Variants in REV3L observed in about 807,000 individuals in gnomAD.
The protein encoded by REV3L is REV3 like, DNA directed polymerase zeta catalytic subunit, also known as DNA polymerase zeta catalytic subunit.
REV3L carries 69 observed loss-of-function variants against 299.4 expected under a neutral mutation model. The ratio of observed to expected loss-of-function variants is 0.23; its 90% CI spans 0.19 to 0.28. The LOEUF (loss-of-function observed/expected upper bound fraction) is 0.28, where lower values mean the gene tolerates loss of function less well. Among genes scored for constraint, REV3L ranks in the 10% least tolerant of loss-of-function variants. The probability of loss-of-function intolerance (pLI) is 1.00; values close to 1 mark genes in which losing one functional copy is unlikely to be tolerated. For synonymous variants in REV3L, 1,238 were observed against 1,271.4 expected, an observed-to-expected ratio of 0.97 and a Z score of 0.56; for missense variants, 3,128 against 3,693.8, an observed-to-expected ratio of 0.85 and a Z score of 3.97.
chr6:111,483,069 C>A lies in REV3L; in HGVS notation c.-181G>T. 2 of 706,152 alleles carry A rather than the reference C, an allele frequency of 2.8e-6. No homozygotes were observed. The highest frequency in any genetic ancestry group is 4.2e-6 in the Non-Finnish European group (2 of 479,444). The allele number at this position is 706,152 out of a possible 1,614,324, so 43.7% of individuals were successfully genotyped here. ...GCGGTGTAGGCGCTGCTGCCGCCGC[C>A]TCCTCAGGAGCACCCGGCAAGGGGC... On this transcript the variant is annotated 5_prime_UTR_variant, in exon 1 of 32. It adds an upstream start codon to the 5' untranslated region. Transcript: ENST00000368802.
chr6:111,325,340 G>GT, intron 25 of REV3L, among the ~76,000 whole-genome samples: 1 of 152,266 alleles, frequency 6.6e-6, no homozygotes, highest in South Asian at 2.1e-4. Flanking sequence ...AATTTATGAA[G>GT]TAAGTCCAAC....
At chr6:111,392,753 A>C in intron 5 of REV3L, 123 bp downstream of exon 5, 1 of 591,488 alleles carries the variant, frequency 1.7e-6, no homozygotes, top group East Asian at 2.8e-5. Flanking sequence ...TGTTTCTGTT[A>C]AGTGTATAGA....
intron 23 of REV3L, among the ~76,000 whole-genome samples, chr6:111,332,323 G>A (rs1049954190): frequency 6.6e-6 from 1 of 152,020 alleles, no homozygotes; most frequent in Non-Finnish European, 1.5e-5. Context: ...TGCCCGCCTT[G>A]GCCTCCCAAA....
chr6:111,354,516 T>C (rs777727964), intron 18 of REV3L, among the ~76,000 whole-genome samples: 2 of 152,190 alleles, frequency 1.3e-5, no homozygotes, highest in African/African-American at 2.4e-5. Flanking sequence ...TTTTTTCAGA[T>C]ATATTACATA....
chr6:111,468,440 C>T (rs1791772081), intron 1 of REV3L, among the ~76,000 whole-genome samples: 1 of 152,028 alleles, frequency 6.6e-6, no homozygotes, highest in Non-Finnish European at 1.5e-5. Flanking sequence ...AAGGAAAAGA[C>T]CAAGAGTCTC....
Position 111,374,506 on chromosome 6 carries a change from G to A in REV3L, c.3849C>T (p.Pro1283=). ...AVDHPLSASL[P]TGINAQQKLS... The stretch of plus-strand genomic sequence containing the variant: ...ACTTCTGTTGTGCATTAATTCCAGT[G>A]GGTAGGGAAGCAGAAAGGGGATGAT... The change falls in exon 13 of 32, where the codon CCC becomes CCT. Residue 1283 remains proline, a synonymous_variant. Coordinates refer to ENST00000368802, the MANE Select transcript of REV3L (RefSeq NM_001372078.1). The A allele has an allele frequency of 1.9e-6, 3 of 1,614,000 alleles. No individual in the cohort carries two copies. The highest frequency in any genetic ancestry group is 1.7e-6 in the Non-Finnish European group (2 of 1,179,920).
intron 18 of REV3L, among the ~76,000 whole-genome samples, chr6:111,352,456 G>A (rs1453147763): frequency 6.6e-6 from 1 of 152,152 alleles, no homozygotes; most frequent in Non-Finnish European, 1.5e-5. Context: ...AGGGGAAGGT[G>A]AAGTGTGAGG....
At chr6:111,461,177 A>G (rs1790729640) in intron 1 of REV3L, among the ~76,000 whole-genome samples, 1 of 152,122 alleles carries the variant, frequency 6.6e-6, no homozygotes, top group Admixed American at 6.6e-5. Context: ...ATCATAGGAG[A>G]TGGCAGTTCC....
intron 20 of REV3L, among the ~76,000 whole-genome samples, chr6:111,346,718 A>T (rs1011863314): frequency 6.6e-6 from 1 of 152,208 alleles, no homozygotes; most frequent in African/African-American, 2.4e-5. Flanking sequence ...TTGCATAAAG[A>T]TCAGAGATAC....
chr6:111,327,355 G>T (rs240973), intron 25 of REV3L, among the ~76,000 whole-genome samples: 4,368 of 152,090 alleles, frequency 0.029, 79 homozygotes, highest in South Asian at 0.09. Flanking sequence ...AGGAATTCAA[G>T]ACCAGCCTGG....
At chr6:111,444,385 A>G (rs904291549) in intron 1 of REV3L, among the ~76,000 whole-genome samples, 5 of 152,220 alleles carry the variant, frequency 3.3e-5, no homozygotes, top group African/African-American at 1.2e-4. Context: ...TTAAACTACA[A>G]AAGAAAAAGC....
Position 111,473,250 on chromosome 6 carries a change from G to A in REV3L, c.139+9500C>T, listed in dbSNP as rs1357008398. Among the ~76,000 whole-genome samples, 7 of 149,366 alleles carry A rather than the reference G, an allele frequency of 4.7e-5. No homozygotes were observed. In the East Asian group the frequency reaches 9.7e-4, roughly 21 times the overall value. On this transcript the variant is annotated intron_variant, in intron 1 of 31. Coordinates refer to ENST00000368802, the MANE Select transcript of REV3L (RefSeq NM_001372078.1). ...GATTTTTTTTTTTTTTTAAAGAGAC[G>A]GGGTCTTGCCATGTTGCCCAGACTG...
At chr6:111,329,184 C>T (rs756059380) in intron 25 of REV3L, among the ~76,000 whole-genome samples, 1 of 152,072 alleles carries the variant, frequency 6.6e-6, no homozygotes, top group Non-Finnish European at 1.5e-5. Flanking sequence ...ACTGGGATTA[C>T]AGGTGCCCAC....
In REV3L at chr6:111,375,424, C is replaced by G. The variant is rs780922073; in HGVS notation, c.2931G>C (p.Lys977Asn). 1.9e-6 allele frequency: 3 copies of G among 1,599,438 alleles called. No individual in the cohort carries two copies. The highest frequency in any genetic ancestry group is 2.6e-6 in the Non-Finnish European group (3 of 1,175,460). Reference protein sequence around the residue: ...MSKKLPPVIIKYIIINRFRGR... With the variant: ...MSKKLPPVIINYIIINRFRGR... ...CTCTAAATCTATTAATAATAATATA[C>G]TTTATGATGACAGGGGGCAGCTTTT... The change falls in exon 13 of 32, where the codon AAG (lysine) becomes AAC (asparagine). Residue 977 changes from lysine to asparagine, a missense_variant. Transcript: ENST00000368802.
chr6:111,308,589 G>A lies in REV3L; in HGVS notation c.9043-1019C>T, dbSNP rs184786389. Among the ~76,000 whole-genome samples, 201 of 152,274 alleles carry A rather than the reference G, an allele frequency of 1.3e-3. 1 individual carries two copies. Among genetic ancestry groups the A allele is most frequent in the African/African-American group, 4.5e-3 (188 of 41,550 alleles). On this transcript the variant is annotated intron_variant, in intron 30 of 31. Coordinates refer to ENST00000368802, the MANE Select transcript of REV3L (RefSeq NM_001372078.1). ...TTAAGTTGAACCATCATAAGTTGGGGAACAACTATAATGCTATTTTACCAT... is the reference window on the plus strand; with the variant it reads ...TTAAGTTGAACCATCATAAGTTGGGAAACAACTATAATGCTATTTTACCAT...
chr6:111,362,530 A>C (rs995586412), intron 16 of REV3L, among the ~76,000 whole-genome samples: 14 of 152,224 alleles, frequency 9.2e-5, no homozygotes, highest in Admixed American at 1.3e-4. Context: ...CATGTAACTT[A>C]AAGTTTTCTA....
intron 25 of REV3L, 105 bp downstream of exon 25, chr6:111,329,427 G>A (rs181785421): frequency 1.0e-4 from 101 of 970,286 alleles, no homozygotes; most frequent in African/African-American, 3.3e-5. Context: ...GAAGACCCCC[G>A]CACCACATCT....
At chr6:111,370,679 C>T (rs570733873) in intron 13 of REV3L, among the ~76,000 whole-genome samples, 6 of 151,968 alleles carry the variant, frequency 3.9e-5, no homozygotes, top group Non-Finnish European at 8.8e-5. Flanking sequence ...CATTCACTGT[C>T]GTGTTTTTTT....
chr6:111,300,012 C>T lies in REV3L; in HGVS notation c.*4G>A, dbSNP rs1470653866. The stretch of plus-strand genomic sequence containing the variant: ...AGCACCTGTAATACTGTGATATTGA[C>T]AATTTAAAACTGGTCTAATAACTGC... On this transcript the variant is annotated 3_prime_UTR_variant, in exon 32 of 32. Coordinates refer to ENST00000368802, the MANE Select transcript of REV3L (RefSeq NM_001372078.1). The T allele has an allele frequency of 6.2e-7, 1 of 1,609,956 alleles. No individual in the cohort carries two copies. The highest frequency in any genetic ancestry group is 1.7e-5 in the Admixed American group (1 of 59,130).
Sources: allele counts gnomAD v4.1 joint callset (sites outside exome capture counted in the v4.1 genomes callset), GRCh38; gene constraint gnomAD v4.1.1; transcripts MANE v1.5; gene names NCBI Gene and HGNC (gene_info 2026-07-23, HGNC 2026-07-21).